SLC1A2: variants seen among roughly 807,000 people sequenced by gnomAD.
SLC1A2 encodes solute carrier family 1 member 2.
SLC1A2 carries 15 observed loss-of-function variants against 48.8 expected under a neutral mutation model. The ratio of observed to expected loss-of-function variants is 0.31; its 90% confidence interval spans 0.21 to 0.47. The LOEUF (loss-of-function observed/expected upper bound fraction) is 0.47. SLC1A2 is among the 20% of genes least tolerant of loss of function. SLC1A2 has a pLI of 0.99. For missense variants in SLC1A2, 502 were observed against 730.5 expected (o/e 0.69, Z 3.61); for synonymous variants, 279 against 272.6 (o/e 1.02, Z -0.23).
intron 1 of SLC1A2, among the ~76,000 whole-genome samples, chr11:35,401,192 G>A (rs1273321479): frequency 6.6e-6 from 1 of 152,158 alleles, no homozygotes; most frequent in Non-Finnish European, 1.5e-5. Context: ...AGAATGGACT[G>A]TAAGTGTTTC....
At chr11:35,395,717 G>A (rs1854932697) in intron 1 of SLC1A2, among the ~76,000 whole-genome samples, 1 of 145,532 alleles carries the variant, frequency 6.9e-6, no homozygotes, top group South Asian at 2.2e-4. Context: ...GGGTACATGT[G>A]CACATTGTGC....
intron 1 of SLC1A2, among the ~76,000 whole-genome samples, chr11:35,346,611 G>A (rs1310284851): frequency 6.6e-6 from 1 of 152,210 alleles, no homozygotes; most frequent in East Asian, 1.9e-4. Flanking sequence ...TTGAGGGCAG[G>A]TTCACGTCAT....
chr11:35,342,515 GTTT>G (rs143334138), intron 1 of SLC1A2, among the ~76,000 whole-genome samples: 43 of 99,226 alleles, frequency 4.3e-4, no homozygotes, highest in South Asian at 3.4e-3. Flanking sequence ...TCAAATGAGT[GTTT>G]TTTTTGTTGT....
intron 7 of SLC1A2, 35 bp from the exon 8 acceptor site, chr11:35,286,986 G>A: frequency 6.4e-7 from 1 of 1,551,612 alleles, no homozygotes; most frequent in South Asian, 1.1e-5. Context: ...ACAGGGTTAT[G>A]TCCACTTTAG....
chr11:35,277,034 G>C (rs917848979), intron 9 of SLC1A2, among the ~76,000 whole-genome samples: 1 of 152,080 alleles, frequency 6.6e-6, no homozygotes, highest in Non-Finnish European at 1.5e-5. Context: ...ACAAAGAGAG[G>C]GCAAGAAGGG....
At chr11:35,420,011 C>A, upstream of SLC1A2, 1 of 453,008 alleles carries the variant, frequency 2.2e-6, no homozygotes, top group Non-Finnish European at 4.6e-6. Flanking sequence ...GCAGCCTAAA[C>A]GCGGCCCAGC....
chr11:35,369,281 C>A (rs536419951), intron 1 of SLC1A2, among the ~76,000 whole-genome samples: 1 of 152,102 alleles, frequency 6.6e-6, no homozygotes, highest in African/African-American at 2.4e-5. Context: ...TCATGTAACT[C>A]GAGGTGAGGG....
chr11:35,302,475 T>A (rs1851385072), intron 5 of SLC1A2, among the ~76,000 whole-genome samples: 1 of 152,180 alleles, frequency 6.6e-6, no homozygotes. Context: ...CAGCCTCACA[T>A]CAGCCTTTGG....
At chr11:35,405,023 G>A (rs182130693) in intron 1 of SLC1A2, among the ~76,000 whole-genome samples, 2 of 152,252 alleles carry the variant, frequency 1.3e-5, no homozygotes, top group African/African-American at 4.8e-5. Context: ...GCTCAGGAAG[G>A]GGATTTTATA....
intron 7 of SLC1A2, among the ~76,000 whole-genome samples, chr11:35,290,183 A>G (rs1332878257): frequency 1.3e-5 from 2 of 152,222 alleles, no homozygotes; most frequent in African/African-American, 4.8e-5. Flanking sequence ...AAAACTGTCA[A>G]TGTGCATACC....
intron 1 of SLC1A2, among the ~76,000 whole-genome samples, chr11:35,378,222 T>A (rs1457056532): frequency 1.3e-5 from 2 of 152,234 alleles, no homozygotes; most frequent in Admixed American, 1.3e-4. Context: ...AACCCCCAGA[T>A]CCTAAAGCCC....
intron 5 of SLC1A2, among the ~76,000 whole-genome samples, chr11:35,303,652 A>T (rs1204805607): frequency 6.6e-6 from 1 of 152,216 alleles, no homozygotes; most frequent in Non-Finnish European, 1.5e-5. Flanking sequence ...AAGGTCCCAA[A>T]GAACTGGAAT....
In SLC1A2 at chr11:35,268,996, C is replaced by G. The variant is rs375598468; in HGVS notation, c.1422-3238G>C. ...ACTGCTGTGATCTGAACGTTTGCATCCCCCCAAAATTCATATGACGAAACC... is the reference window on the plus strand; with the variant it reads ...ACTGCTGTGATCTGAACGTTTGCATGCCCCCAAAATTCATATGACGAAACC... On this transcript the variant is annotated intron_variant, in intron 9 of 10. Coordinates refer to ENST00000278379, the MANE Select transcript of SLC1A2 (RefSeq NM_004171.4). 7.2e-5 allele frequency among the ~76,000 whole-genome samples: 11 copies of G among 152,146 alleles called. No individual in the cohort carries two copies. The East Asian group carries it at 1.7e-3, about 24-fold the overall frequency.
intron 1 of SLC1A2, among the ~76,000 whole-genome samples, chr11:35,338,121 A>G (rs951797072): frequency 6.6e-6 from 1 of 152,208 alleles, no homozygotes; most frequent in Non-Finnish European, 1.5e-5. Flanking sequence ...AATCCAGTCA[A>G]CAGCCCATTT....
At chr11:35,313,640 T>C (rs976664490) in intron 3 of SLC1A2, among the ~76,000 whole-genome samples, 1 of 152,222 alleles carries the variant, frequency 6.6e-6, no homozygotes, top group African/African-American at 2.4e-5. Context: ...CCTAGTCTAA[T>C]TCTAGCCGAC....
At chr11:35,348,903 A>T in intron 1 of SLC1A2, among the ~76,000 whole-genome samples, 1 of 151,626 alleles carries the variant, frequency 6.6e-6, no homozygotes, top group African/African-American at 2.4e-5. Context: ...AAAAAAAAAA[A>T]AAAAAAAAAA....
At chr11:35,310,051 C>T (rs1389073398) in intron 4 of SLC1A2, among the ~76,000 whole-genome samples, 1 of 152,194 alleles carries the variant, frequency 6.6e-6, no homozygotes, top group Non-Finnish European at 1.5e-5. Flanking sequence ...ACTGCCCATC[C>T]ACCACAGCGC....
At chr11:35,417,002 A>G (rs1855631120) in intron 1 of SLC1A2, among the ~76,000 whole-genome samples, 1 of 152,244 alleles carries the variant, frequency 6.6e-6, no homozygotes, top group South Asian at 2.1e-4. Flanking sequence ...GCAAGAAAAG[A>G]AGAGAAGAAG....
intron 1 of SLC1A2, among the ~76,000 whole-genome samples, chr11:35,403,890 G>A (rs561460362): frequency 3.3e-5 from 5 of 152,310 alleles, no homozygotes; most frequent in Admixed American, 1.3e-4. Context: ...CTAAAAGCAA[G>A]GGAACATCTT....
Sources: gnomAD v4.1 joint callset for allele counts (sites outside exome capture counted in the v4.1 genomes callset) on GRCh38, gnomAD v4.1.1 for gene constraint, MANE v1.5 for transcripts, NCBI Gene and HGNC (gene_info 2026-07-23, HGNC 2026-07-21) for gene names.